The following ANO2 variants were observed in gnomAD, a reference collection of about 807,000 sequenced individuals.
ANO2 encodes anoctamin-2.
Under a neutral mutation model 124.2 loss-of-function variants are expected in ANO2, and 101 were observed. The observed-to-expected ratio is 0.81, with a 90% CI of 0.69 to 0.96. The LOEUF (loss-of-function observed/expected upper bound fraction) is 0.96, where lower values mean the gene tolerates loss of function less well. Among genes scored for constraint, ANO2 ranks in the 40% least tolerant of loss-of-function variants. The pLI, the probability that ANO2 is intolerant of heterozygous loss-of-function variation, is 0.00. For synonymous variants in ANO2, 486 were observed against 482.5 expected (o/e 1.01, Z -0.09); for missense variants, 1,293 against 1,274.5 (o/e 1.01, Z -0.22).
intron 16 of ANO2, among the ~76,000 whole-genome samples, chr12:5,625,140 G>C (rs1011589448): frequency 2.0e-5 from 3 of 152,162 alleles, no homozygotes; most frequent in African/African-American, 7.2e-5. Context: ...TCTGAACAGG[G>C]GAAGGATGTG....
rs374607322 is a variant in ANO2, at chr12:5,807,352, G to C, written c.909C>G (p.Ile303Met). The change falls in exon 8 of 25, where the codon ATC becomes ATG. Residue 303 changes from isoleucine to methionine, a missense_variant. Physicochemically the swap from Ile to Met is conservative, Grantham distance 10 (BLOSUM62 1). Coordinates refer to ENST00000682330, the MANE Select transcript of ANO2 (RefSeq NM_001364791.2). ...ANNTMGINSL[I>M]ANNIYEAAYP... ...AGGCAGCCTCATAGATATTGTTTGC[G>C]ATCAGAGAGTTAATACCTACGGAAG... 108 of 1,556,798 alleles carry C rather than the reference G, an allele frequency of 6.9e-5. No individual in the cohort carries two copies. The East Asian group carries it at 1.4e-3, about 20-fold the overall frequency.
chr12:5,585,575 G>A (rs1282373824), intron 20 of ANO2, among the ~76,000 whole-genome samples: 4 of 152,208 alleles, frequency 2.6e-5, no homozygotes, highest in Non-Finnish European at 5.9e-5. Context: ...CTTCCTGGAG[G>A]ACAGACTGGT....
At chr12:5,783,932 C>T (rs1251296561) in intron 10 of ANO2, among the ~76,000 whole-genome samples, 1 of 152,190 alleles carries the variant, frequency 6.6e-6, no homozygotes, top group East Asian at 1.9e-4. Flanking sequence ...TCCTATCCCT[C>T]AAACAACATC....
chr12:5,677,000 G>A (rs1343586960), intron 14 of ANO2, among the ~76,000 whole-genome samples: 4 of 152,106 alleles, frequency 2.6e-5, no homozygotes, highest in Non-Finnish European at 5.9e-5. Flanking sequence ...GTTGCAGTAA[G>A]CCAAGATCAT....
At chr12:5,725,360 C>G (rs1487285573) in intron 14 of ANO2, among the ~76,000 whole-genome samples, 1 of 152,148 alleles carries the variant, frequency 6.6e-6, no homozygotes, top group Non-Finnish European at 1.5e-5. Context: ...CCTCTCCAAC[C>G]TCCAACCAAG....
intron 3 of ANO2, among the ~76,000 whole-genome samples, chr12:5,859,371 T>G (rs1287306858): frequency 6.6e-6 from 1 of 152,166 alleles, no homozygotes; most frequent in Non-Finnish European, 1.5e-5. Context: ...TCAAAAAAAC[T>G]ATGCAATCCT....
chr12:5,882,159 C>A (rs1938547450), intron 3 of ANO2, among the ~76,000 whole-genome samples: 1 of 152,158 alleles, frequency 6.6e-6, no homozygotes, highest in South Asian at 2.1e-4. Context: ...TAGGTTCACA[C>A]TGAGATTTTA....
intron 10 of ANO2, among the ~76,000 whole-genome samples, chr12:5,772,565 T>C (rs1040667324): frequency 6.6e-6 from 1 of 152,254 alleles, no homozygotes; most frequent in African/African-American, 2.4e-5. Context: ...TCTAAGTTTT[T>C]ATATACATCA....
At chr12:5,883,543 G>GTGTGTGT (rs1474287815) in intron 3 of ANO2, among the ~76,000 whole-genome samples, 1 of 139,728 alleles carries the variant, frequency 7.2e-6, no homozygotes, top group African/African-American at 2.6e-5. Flanking sequence ...GTGTGTGTGT[G>GTGTGTGT]GTGTCTGCCC....
chr12:5,672,406 G>A (rs1190254687), intron 14 of ANO2, among the ~76,000 whole-genome samples: 2 of 152,214 alleles, frequency 1.3e-5, no homozygotes, highest in African/African-American at 4.8e-5. Context: ...GGTAACAGAA[G>A]TCTTCATGTT....
chr12:5,729,352 A>C (rs1210963618), intron 14 of ANO2, among the ~76,000 whole-genome samples: 1 of 152,170 alleles, frequency 6.6e-6, no homozygotes, highest in African/African-American at 2.4e-5. Flanking sequence ...GAGGCAAAGG[A>C]TTTGAATAGA....
At chr12:5,678,602 C>T (rs1359764364) in intron 14 of ANO2, among the ~76,000 whole-genome samples, 1 of 152,200 alleles carries the variant, frequency 6.6e-6, no homozygotes. Context: ...GGACTGAATG[C>T]TGTCTTCTGT....
At chr12:5,809,389 C>G (rs934193308) in intron 7 of ANO2, among the ~76,000 whole-genome samples, 7 of 152,084 alleles carry the variant, frequency 4.6e-5, no homozygotes, top group Non-Finnish European at 7.4e-5. Context: ...GGGTAAGGCC[C>G]CAGCTAGACC....
At chr12:5,786,172 TGTG>T in intron 10 of ANO2, among the ~76,000 whole-genome samples, 1 of 152,100 alleles carries the variant, frequency 6.6e-6, no homozygotes, top group Non-Finnish European at 1.5e-5. Context: ...TTGACCCCCC[TGTG>T]AGATCCTAGG....
At chr12:5,700,413 C>T (rs1949355412) in intron 14 of ANO2, among the ~76,000 whole-genome samples, 1 of 152,068 alleles carries the variant, frequency 6.6e-6, no homozygotes, top group Non-Finnish European at 1.5e-5. Flanking sequence ...ACACAACATA[C>T]CAGAATCTCT....
chr12:5,804,643 A>C (rs1400465584), intron 9 of ANO2, among the ~76,000 whole-genome samples: 1 of 152,184 alleles, frequency 6.6e-6, no homozygotes, highest in Non-Finnish European at 1.5e-5. Context: ...AAAGAGAAAC[A>C]TTTTCTGATG....
intron 7 of ANO2, among the ~76,000 whole-genome samples, chr12:5,810,097 C>T (rs1034433694): frequency 3.9e-5 from 6 of 152,202 alleles, no homozygotes; most frequent in South Asian, 2.1e-4. Context: ...CCCAAAATGC[C>T]GCAACTGGAT....
At chr12:5,884,714 C>G (rs1938759899) in intron 3 of ANO2, among the ~76,000 whole-genome samples, 1 of 152,194 alleles carries the variant, frequency 6.6e-6, no homozygotes. Context: ...CAACTCATGA[C>G]CTAGGACAAT....
intron 10 of ANO2, among the ~76,000 whole-genome samples, chr12:5,788,536 A>C (rs1434901041): frequency 1.3e-5 from 2 of 152,112 alleles, no homozygotes; most frequent in Admixed American, 1.3e-4. Flanking sequence ...GATTAAGTTG[A>C]ACTGAATTAT....
Sources: allele counts gnomAD v4.1 joint callset (sites outside exome capture counted in the v4.1 genomes callset), GRCh38; gene constraint gnomAD v4.1.1; transcripts MANE v1.5; gene names NCBI Gene and HGNC (gene_info 2026-07-23, HGNC 2026-07-21).